The following EFR3A variants were observed in gnomAD, a reference collection of about 807,000 sequenced individuals.
The protein encoded by EFR3A is EFR3 homolog A.
In EFR3A, 76 loss-of-function variants were observed where a neutral mutation model predicts 104.4. The observed-to-expected ratio is 0.73, with a 90% CI of 0.60 to 0.88. The LOEUF (loss-of-function observed/expected upper bound fraction) is 0.88, where lower values mean the gene tolerates loss of function less well. EFR3A is among the 40% of genes least tolerant of loss of function. The probability of loss-of-function intolerance (pLI) is 0.00; values close to 1 mark genes in which losing one functional copy is unlikely to be tolerated. For missense variants in EFR3A, 985 were observed against 1,012.5 expected (o/e 0.97, Z 0.37); for synonymous variants, 330 against 330.0 (o/e 1.00, Z 0.00).
At chr8:131,922,661 A>G (rs538498579) in intron 1 of EFR3A, among the ~76,000 whole-genome samples, 2 of 152,086 alleles carry the variant, frequency 1.3e-5, no homozygotes, top group Non-Finnish European at 2.9e-5. Context: ...CTGACTAGTA[A>G]ATGGACAGCC....
At chr8:131,911,812 C>T (rs966856039) in intron 1 of EFR3A, among the ~76,000 whole-genome samples, 1 of 152,140 alleles carries the variant, frequency 6.6e-6, no homozygotes, top group Non-Finnish European at 1.5e-5. Context: ...CTAGATTTTT[C>T]TTGGATTATC....
chr8:131,989,669 T>C (rs1355328309), intron 18 of EFR3A, among the ~76,000 whole-genome samples: 1 of 152,208 alleles, frequency 6.6e-6, no homozygotes, highest in Non-Finnish European at 1.5e-5. Flanking sequence ...CTCTAATTTC[T>C]ACTGAGTGCC....
chr8:131,950,278 G>C (rs1004038474), intron 5 of EFR3A, among the ~76,000 whole-genome samples, 188 bp downstream of exon 5: 1 of 152,034 alleles, frequency 6.6e-6, no homozygotes, highest in Non-Finnish European at 1.5e-5. Flanking sequence ...ACTAAAATGC[G>C]GTCTTTACTG....
At chr8:131,919,872 A>G (rs1816918802) in intron 1 of EFR3A, among the ~76,000 whole-genome samples, 3 of 150,428 alleles carry the variant, frequency 2.0e-5, no homozygotes, top group South Asian at 2.1e-4. Context: ...GATTTTATAT[A>G]TATGTATATA....
intron 18 of EFR3A, among the ~76,000 whole-genome samples, chr8:131,994,348 G>A (rs1821369051): frequency 6.6e-6 from 1 of 152,106 alleles, no homozygotes; most frequent in Non-Finnish European, 1.5e-5. Flanking sequence ...CTGTTTTGGG[G>A]GAACATTATA....
chr8:132,003,917 G>C (rs1203720231), intron 22 of EFR3A, among the ~76,000 whole-genome samples: 1 of 152,198 alleles, frequency 6.6e-6, no homozygotes, highest in Non-Finnish European at 1.5e-5. Flanking sequence ...ACCTGCCTTT[G>C]TGAGAGGTGG....
chr8:132,001,916 A>G, intron 20 of EFR3A, 109 bp downstream of exon 20: 1 of 928,554 alleles, frequency 1.1e-6, no homozygotes, highest in Non-Finnish European at 1.7e-6. Context: ...TAAACCAAAG[A>G]AACTTGTTGG....
intron 10 of EFR3A, among the ~76,000 whole-genome samples, chr8:131,972,062 A>G (rs1210625818): frequency 1.3e-5 from 2 of 152,120 alleles, no homozygotes; most frequent in Non-Finnish European, 2.9e-5. Flanking sequence ...TCAATGTTCT[A>G]TTGTAAGCAG....
intron 4 of EFR3A, among the ~76,000 whole-genome samples, chr8:131,949,090 A>C (rs2130597608): frequency 6.6e-6 from 1 of 152,220 alleles, no homozygotes; most frequent in South Asian, 2.1e-4. Context: ...ATACCTACTG[A>C]TTCAAGAAAG....
intron 18 of EFR3A, among the ~76,000 whole-genome samples, chr8:131,995,563 C>A (rs1257302651): frequency 1.3e-5 from 2 of 152,062 alleles, no homozygotes; most frequent in East Asian, 3.9e-4. Flanking sequence ...TCAACAAATT[C>A]AAATGTTCAT....
In EFR3A at chr8:132,003,236, G is replaced by A. The variant is rs762284297; in HGVS notation, c.2311G>A (p.Ala771Thr). The A allele has an allele frequency of 8.1e-6, 13 of 1,609,958 alleles. No homozygotes were observed. In the East Asian group the frequency reaches 1.6e-4, roughly 19 times the overall value. Residue 771 changes from alanine to threonine, a missense_variant and splice_region_variant, in exon 22 of 23, where the codon GCA (alanine) becomes ACA (threonine). Transcript: ENST00000254624. ...EEIAAQCESK[A>T]NLLHDRLAQI... is the part of the protein sequence containing the mutation. ...CTTAACATTTTTTTCTTTTTTGCAG[G>A]CAAATTTGCTTCATGATAGACTTGC...
At chr8:131,997,900 A>G (rs1267781920) in intron 19 of EFR3A, among the ~76,000 whole-genome samples, 1 of 152,122 alleles carries the variant, frequency 6.6e-6, no homozygotes, top group East Asian at 1.9e-4. Context: ...TGATAAAATC[A>G]ACTGAAAAAA....
chr8:131,910,991 G>C (rs548600114), intron 1 of EFR3A, among the ~76,000 whole-genome samples: 2 of 152,144 alleles, frequency 1.3e-5, no homozygotes, highest in Non-Finnish European at 2.9e-5. Flanking sequence ...GACATGAGTC[G>C]TTTGTCTAGG....
At chr8:131,993,895 C>T (rs1821338910) in intron 18 of EFR3A, among the ~76,000 whole-genome samples, 1 of 151,970 alleles carries the variant, frequency 6.6e-6, no homozygotes, top group South Asian at 2.1e-4. Context: ...AACACACAGA[C>T]ACATAGAGGG....
chr8:131,925,864 C>T (rs1402888913), intron 1 of EFR3A, among the ~76,000 whole-genome samples: 2 of 152,022 alleles, frequency 1.3e-5, no homozygotes, highest in African/African-American at 4.8e-5. Context: ...CCAAATTTTG[C>T]TAAGGCCTAA....
Position 132,011,640 on chromosome 8 carries a change from A to T in EFR3A, c.*745A>T. ...GCAATATTTTTACATCATAAGATGTATTAGTTTACAGGCTGTGCTTTGAAA... is the reference window on the plus strand; with the variant it reads ...GCAATATTTTTACATCATAAGATGTTTTAGTTTACAGGCTGTGCTTTGAAA... On this transcript the variant is annotated 3_prime_UTR_variant, in exon 23 of 23. Transcript: ENST00000254624. 6.2e-6 allele frequency: 1 copy of T among 160,654 alleles called. No homozygotes were observed. The highest frequency in any genetic ancestry group is 1.3e-5 in the Non-Finnish European group (1 of 75,320). 10.0% of individuals were successfully genotyped at this position (160,654 alleles called of 1,614,324 possible). A position where few individuals can be genotyped will look rare whatever the true frequency, so the allele number is the denominator to read the frequency against.
At chr8:131,955,557 A>C (rs963881712) in intron 6 of EFR3A, among the ~76,000 whole-genome samples, 1 of 152,164 alleles carries the variant, frequency 6.6e-6, no homozygotes, top group Non-Finnish European at 1.5e-5. Flanking sequence ...GCTAGAAACA[A>C]TTTGCACAGC....
In EFR3A at chr8:131,911,751, A is replaced by G. The variant is rs796515105; in HGVS notation, c.10+7429A>G. On this transcript the variant is annotated intron_variant, in intron 1 of 22. Coordinates refer to ENST00000254624, the MANE Select transcript of EFR3A (RefSeq NM_015137.6). ...ATTATATAGAAATATTGGCCAAAAT[A>G]CGAATGATCTAATGTTAATAGACTG... Among the ~76,000 whole-genome samples the G allele has an allele frequency of 6.6e-5, 10 of 152,362 alleles. 1 individual carries two copies. Among genetic ancestry groups the G allele is most frequent in the African/African-American group, 2.4e-4 (10 of 41,590 alleles).
At chr8:131,928,954 G>A (rs1817446658) in intron 1 of EFR3A, among the ~76,000 whole-genome samples, 1 of 151,836 alleles carries the variant, frequency 6.6e-6, no homozygotes, top group South Asian at 2.1e-4. Context: ...TGCTCTTATT[G>A]TGCTGATCAT....
Sources: gnomAD v4.1 joint callset for allele counts (sites outside exome capture counted in the v4.1 genomes callset) on GRCh38, gnomAD v4.1.1 for gene constraint, MANE v1.5 for transcripts, NCBI Gene and HGNC (gene_info 2026-07-23, HGNC 2026-07-21) for gene names.